Variants in THOC2 observed in about 807,000 individuals in gnomAD.
The protein encoded by THOC2 is THO complex subunit 2, also known as THO complex 2.
THOC2 carries 10 observed loss-of-function variants against 128.4 expected under a neutral mutation model. The ratio of observed to expected loss-of-function variants is 0.08; its 90% CI spans 0.05 to 0.13. The LOEUF (loss-of-function observed/expected upper bound fraction) is 0.13. Ranked by LOEUF, THOC2 falls within the 10% of genes least tolerant of loss-of-function variation. The pLI is 1.00. For missense variants in THOC2, 535 were observed against 1,155.7 expected (o/e 0.46, Z 7.79); for synonymous variants, 393 against 396.9 (o/e 0.99, Z 0.12).
chrX:123,630,552 G>A (rs1266441249), intron 22 of THOC2, among the ~76,000 whole-genome samples: 4 of 98,836 alleles, frequency 4.0e-5, no homozygotes, highest in Admixed American at 3.5e-4. Flanking sequence ...GGTGGAAGTT[G>A]CAGTGAGCTG....
At chrX:123,667,012 T>C in intron 11 of THOC2, 94 bp downstream of exon 11, 1 of 603,313 alleles carries the variant, frequency 1.7e-6, no homozygotes. Context: ...TACTAAAATA[T>C]ATGCTTGGTT....
intron 36 of THOC2, 101 bp downstream of exon 36, chrX:123,613,298 C>CA: frequency 1.1e-6 from 1 of 873,724 alleles, no homozygotes; most frequent in Non-Finnish European, 1.6e-6. Context: ...AAATAATGAA[C>CA]AAAAGACTAT....
chrX:123,717,103 A>G (rs901701548), intron 1 of THOC2, among the ~76,000 whole-genome samples: 2 of 112,053 alleles, frequency 1.8e-5, no homozygotes, highest in Non-Finnish European at 3.8e-5. Flanking sequence ...CAATTGGGCA[A>G]AAAGAAGAAA....
chrX:123,695,218 G>T (rs2050403272), intron 7 of THOC2, among the ~76,000 whole-genome samples: 1 of 111,197 alleles, frequency 9.0e-6, no homozygotes, highest in African/African-American at 3.3e-5. Flanking sequence ...CCTCTGGCAG[G>T]TCTCAAGACC....
At chrX:123,644,714 A>G (rs1311345261) in intron 14 of THOC2, 38 bp from the exon 15 acceptor site, 3 of 1,167,446 alleles carry the variant, frequency 2.6e-6, no homozygotes, top group South Asian at 3.8e-5. Context: ...GGAAAAGTTA[A>G]ACACTTAGAG....
At chrX:123,664,589 C>A (rs977162629) in intron 12 of THOC2, among the ~76,000 whole-genome samples, 1 of 112,287 alleles carries the variant, frequency 8.9e-6, no homozygotes, top group African/African-American at 3.2e-5. Context: ...ATGCAGCCAA[C>A]AGACACATGA....
chrX:123,693,538 G>C (rs777853561), intron 7 of THOC2, among the ~76,000 whole-genome samples: 1 of 111,758 alleles, frequency 8.9e-6, no homozygotes, highest in Admixed American at 9.6e-5. Context: ...AATAAACACT[G>C]AGACAGGAAG....
chrX:123,669,074 A>C (rs1043584237), intron 9 of THOC2, among the ~76,000 whole-genome samples: 1 of 110,630 alleles, frequency 9.0e-6, no homozygotes, highest in Non-Finnish European at 1.9e-5. Context: ...AGAAATGCAT[A>C]ATCTATTCCA....
chrX:123,626,666 C>A lies in THOC2; in HGVS notation c.2758-4G>T, dbSNP rs775494828. On this transcript the variant is annotated splice_region_variant and splice_polypyrimidine_tract_variant and intron_variant, in intron 23 of 38. Coordinates refer to ENST00000245838, the MANE Select transcript of THOC2 (RefSeq NM_001081550.2). ...CTTTTTTCTTTTTATTTGGGGGCTA[C>A]AAAGAATTCAATTAGACACTTTTCT... 1 of 1,183,486 alleles carries A rather than the reference C, an allele frequency of 8.4e-7. No homozygotes were observed. The highest frequency in any genetic ancestry group is 2.6e-5 in the Admixed American group (1 of 38,253).
chrX:123,628,980 C>T (rs1230580736), intron 22 of THOC2, among the ~76,000 whole-genome samples: 1 of 109,099 alleles, frequency 9.2e-6, no homozygotes, highest in East Asian at 2.8e-4. Context: ...GATGCTGCAG[C>T]TTCTTTCGTT....
At chrX:123,665,434 A>C (rs1002782433) in intron 12 of THOC2, among the ~76,000 whole-genome samples, 3 of 111,420 alleles carry the variant, frequency 2.7e-5, no homozygotes, top group African/African-American at 9.8e-5. Flanking sequence ...CACAATGACG[A>C]ATCACCTAAT....
intron 8 of THOC2, among the ~76,000 whole-genome samples, chrX:123,673,967 A>G (rs2049383936): frequency 8.9e-6 from 1 of 111,995 alleles, no homozygotes; most frequent in Non-Finnish European, 1.9e-5. Flanking sequence ...CAGAGATGAT[A>G]TTTTGCATGA....
intron 7 of THOC2, among the ~76,000 whole-genome samples, chrX:123,694,703 G>A (rs758995458): frequency 8.9e-6 from 1 of 112,112 alleles, no homozygotes; most frequent in Admixed American, 9.4e-5. Context: ...CTGCCACACA[G>A]TTAAGCAAGA....
intron 2 of THOC2, among the ~76,000 whole-genome samples, chrX:123,708,396 G>A (rs1327751765): frequency 4.5e-5 from 5 of 111,460 alleles, no homozygotes; most frequent in South Asian, 7.4e-4. Flanking sequence ...TTTTGGTATC[G>A]CAGGTATAAG....
At chrX:123,639,125 A>G in intron 16 of THOC2, 98 bp from the exon 17 acceptor site, 1 of 358,721 alleles carries the variant, frequency 2.8e-6, no homozygotes, top group East Asian at 4.2e-5. Flanking sequence ...TTCAAAAGAA[A>G]TAATGCTTAT....
chrX:123,698,185 C>T (rs987718443), intron 4 of THOC2, among the ~76,000 whole-genome samples: 26 of 111,659 alleles, frequency 2.3e-4, no homozygotes, highest in African/African-American at 6.5e-4. Context: ...TCAGGCTGGG[C>T]GCAGTGGCTC....
intron 1 of THOC2, among the ~76,000 whole-genome samples, chrX:123,728,836 C>T (rs1247027423): frequency 8.9e-6 from 1 of 112,118 alleles, no homozygotes; most frequent in African/African-American, 3.2e-5. Context: ...GCTATTCAAA[C>T]AAACAGATGA....
At chrX:123,722,121 G>A (rs1373643381) in intron 1 of THOC2, among the ~76,000 whole-genome samples, 1 of 112,083 alleles carries the variant, frequency 8.9e-6, no homozygotes, top group African/African-American at 3.2e-5. Flanking sequence ...TGTTGGTGGG[G>A]GAGTAAATTA....
chrX:123,618,373 A>C (rs988100640), intron 33 of THOC2, among the ~76,000 whole-genome samples: 1 of 112,073 alleles, frequency 8.9e-6, no homozygotes, highest in African/African-American at 3.2e-5. Flanking sequence ...ACAATGCTAC[A>C]ATTTTAGGAC....
Sources: allele counts gnomAD v4.1 joint callset (sites outside exome capture counted in the v4.1 genomes callset), GRCh38; gene constraint gnomAD v4.1.1; transcripts MANE v1.5; gene names NCBI Gene and HGNC (gene_info 2026-07-23, HGNC 2026-07-21).